The following HS3ST4 variants were observed in gnomAD, a reference collection of about 807,000 sequenced individuals.
The protein encoded by HS3ST4 is heparan sulfate glucosamine 3-O-sulfotransferase 4.
In HS3ST4, 17 loss-of-function variants were observed where a neutral mutation model predicts 29.2. The ratio of observed to expected loss-of-function variants is 0.58; its 90% CI spans 0.40 to 0.87. The LOEUF is 0.87. HS3ST4 is among the 40% of genes least tolerant of loss of function. HS3ST4 has a pLI of 0.00. For synonymous variants in HS3ST4, 314 were observed against 285.7 expected, an observed-to-expected ratio of 1.10 and a Z score of -1.00; for missense variants, 627 against 634.5, an observed-to-expected ratio of 0.99 and a Z score of 0.13.
Position 25,700,557 on chromosome 16 carries a change from A to C in HS3ST4, c.734+7406A>C, listed in dbSNP as rs183222825. The stretch of plus-strand genomic sequence containing the variant: ...TACCAGGCATTTTCACTTTTAAATC[A>C]AGTCAGGAGAGAGGCCTCGAGACTT... On this transcript the variant is annotated intron_variant, in intron 1 of 1. Coordinates refer to ENST00000331351, the MANE Select transcript of HS3ST4 (RefSeq NM_006040.3). Among the ~76,000 whole-genome samples, 5 of 152,246 alleles carry C rather than the reference A, an allele frequency of 3.3e-5. No individual in the cohort carries two copies. The East Asian group carries it at 9.6e-4, about 29-fold the overall frequency.
At position 25,715,247 on chromosome 16, in the gene HS3ST4, G is replaced by A. The variant is rs571850592; in HGVS notation, c.734+22096G>A. Among the ~76,000 whole-genome samples the A allele has an allele frequency of 6.4e-3, 962 of 150,866 alleles. 11 individuals carry two copies. Among genetic ancestry groups the A allele is most frequent in the African/African-American group, 0.021 (873 of 41,116 alleles). ...TGAGGCAGGAGAATGGCGTGAACCC[G>A]GGAAGCGGAGCTTGCAGTGAGCCGA... On this transcript the variant is annotated intron_variant, in intron 1 of 1. Coordinates refer to ENST00000331351, the MANE Select transcript of HS3ST4 (RefSeq NM_006040.3).
At chr16:25,717,489 AG>A (rs1415914194) in intron 1 of HS3ST4, among the ~76,000 whole-genome samples, 2 of 149,070 alleles carry the variant, frequency 1.3e-5, no homozygotes, top group African/African-American at 5.0e-5. Flanking sequence ...TGAGATCTGA[AG>A]GATGAGTAGA....
At chr16:26,105,446 T>C (rs892745206) in intron 1 of HS3ST4, among the ~76,000 whole-genome samples, 1 of 152,228 alleles carries the variant, frequency 6.6e-6, no homozygotes, top group Admixed American at 6.5e-5. Context: ...TTTAGCATCA[T>C]GCAATAAACT....
intron 1 of HS3ST4, among the ~76,000 whole-genome samples, chr16:25,961,680 C>A (rs1284307814): frequency 6.6e-6 from 1 of 152,078 alleles, no homozygotes; most frequent in Non-Finnish European, 1.5e-5. Flanking sequence ...GAGTCCCAAG[C>A]ATTATTTTAT....
At chr16:25,747,889 C>T (rs1966694794) in intron 1 of HS3ST4, among the ~76,000 whole-genome samples, 1 of 152,162 alleles carries the variant, frequency 6.6e-6, no homozygotes, top group Admixed American at 6.5e-5. Context: ...AAAGGGCGCT[C>T]TCAGCTTAAT....
At chr16:26,123,634 A>C (rs533470411) in intron 1 of HS3ST4, among the ~76,000 whole-genome samples, 30 of 152,268 alleles carry the variant, frequency 2.0e-4, no homozygotes, top group Non-Finnish European at 3.5e-4. Flanking sequence ...TGTATGCTAT[A>C]CTCAATATGT....
intron 1 of HS3ST4, among the ~76,000 whole-genome samples, chr16:25,734,253 A>G (rs980759735): frequency 1.3e-5 from 2 of 152,224 alleles, no homozygotes; most frequent in Non-Finnish European, 2.9e-5. Context: ...AGAAATCTGA[A>G]TTTTTATATG....
chr16:26,104,042 CATTTGACTGT>C (rs1899020642), intron 1 of HS3ST4, among the ~76,000 whole-genome samples: 1 of 152,144 alleles, frequency 6.6e-6, no homozygotes, highest in African/African-American at 2.4e-5. Context: ...ACTGGGAATG[CATTTGACTGT>C]ATTTAGAACT....
At chr16:25,728,449 A>G (rs1238936185) in intron 1 of HS3ST4, among the ~76,000 whole-genome samples, 1 of 152,206 alleles carries the variant, frequency 6.6e-6, no homozygotes, top group East Asian at 1.9e-4. Flanking sequence ...CTTTTGCCAT[A>G]TCGCTGTTGA....
At chr16:26,009,067 G>A (rs1308411086) in intron 1 of HS3ST4, among the ~76,000 whole-genome samples, 1 of 152,168 alleles carries the variant, frequency 6.6e-6, no homozygotes, top group Non-Finnish European at 1.5e-5. Context: ...TTATTGTCAT[G>A]TGGTCTTAGT....
chr16:25,998,399 T>G (rs1229017577), intron 1 of HS3ST4, among the ~76,000 whole-genome samples: 1 of 152,220 alleles, frequency 6.6e-6, no homozygotes, highest in East Asian at 1.9e-4. Context: ...TTACTAAGGA[T>G]TGCTTCACAT....
At chr16:25,990,423 G>A (rs1371514593) in intron 1 of HS3ST4, among the ~76,000 whole-genome samples, 1 of 152,220 alleles carries the variant, frequency 6.6e-6, no homozygotes, top group Non-Finnish European at 1.5e-5. Flanking sequence ...AACTTTGAGT[G>A]TTGTCAATGT....
intron 1 of HS3ST4, among the ~76,000 whole-genome samples, chr16:26,108,974 C>G (rs371266824): frequency 2.6e-5 from 4 of 152,138 alleles, no homozygotes; most frequent in African/African-American, 9.7e-5. Flanking sequence ...CATCCTGCCC[C>G]ACCCTGCCCC....
rs139439245 is a variant in HS3ST4, at chr16:26,136,600, G to T, written c.*352G>T. 3 of 265,070 alleles carry T rather than the reference G, an allele frequency of 1.1e-5. No homozygotes were observed. Among genetic ancestry groups the T allele is most frequent in the Non-Finnish European group, 2.2e-5 (3 of 138,970 alleles). 16.4% of individuals were successfully genotyped at this position (265,070 alleles called of 1,614,324 possible). A position where few individuals can be genotyped will look rare whatever the true frequency, so the allele number is the denominator to read the frequency against. ...TAATGTATATGTGAGCGACAAAAAA[G>T]GTCTGCTTTATAGGGGTTCTCACTC... On this transcript the variant is annotated 3_prime_UTR_variant, in exon 2 of 2. Transcript: ENST00000331351.
intron 1 of HS3ST4, among the ~76,000 whole-genome samples, chr16:25,911,539 C>CTCTG (rs961774913): frequency 7.2e-5 from 9 of 124,762 alleles, no homozygotes; most frequent in African/African-American, 2.7e-4. Flanking sequence ...CATGACCTCA[C>CTCTG]TCTGTCGCCC....
chr16:25,957,135 T>G (rs1424288794), intron 1 of HS3ST4, among the ~76,000 whole-genome samples: 4 of 151,530 alleles, frequency 2.6e-5, no homozygotes, highest in East Asian at 3.9e-4. Flanking sequence ...GGCTGGAGAA[T>G]GATGACTCCA....
chr16:25,897,663 C>A (rs1016699427), intron 1 of HS3ST4, among the ~76,000 whole-genome samples: 1 of 151,896 alleles, frequency 6.6e-6, no homozygotes, highest in East Asian at 2.0e-4. Context: ...GGTAGGGGGG[C>A]AGTAGAACCC....
chr16:25,719,299 C>T (rs967360611), intron 1 of HS3ST4, among the ~76,000 whole-genome samples: 7 of 152,154 alleles, frequency 4.6e-5, no homozygotes, highest in South Asian at 2.1e-4. Flanking sequence ...AGGTGTTGTA[C>T]GAGATGCCAG....
chr16:25,907,818 G>C (rs1408775922), intron 1 of HS3ST4, among the ~76,000 whole-genome samples: 12 of 152,210 alleles, frequency 7.9e-5, no homozygotes, highest in Non-Finnish European at 1.5e-5. Flanking sequence ...AAGAAAGACT[G>C]TGATAAACCA....
Sources: allele counts gnomAD v4.1 joint callset (sites outside exome capture counted in the v4.1 genomes callset), GRCh38; gene constraint gnomAD v4.1.1; transcripts MANE v1.5; gene names NCBI Gene and HGNC (gene_info 2026-07-23, HGNC 2026-07-21).